The following SLFN5 variants were observed in gnomAD, a reference collection of about 807,000 sequenced individuals.
SLFN5 encodes the protein schlafen family member 5.
A neutral mutation model predicts 48.5 loss-of-function variants in SLFN5; 34 were observed. The ratio of observed to expected loss-of-function variants is 0.70; its 90% CI spans 0.53 to 0.93. The LOEUF (loss-of-function observed/expected upper bound fraction) is 0.93, where lower values mean the gene tolerates loss of function less well. Among genes scored for constraint, SLFN5 ranks in the 40% least tolerant of loss-of-function variants. The probability of loss-of-function intolerance (pLI) is 0.00; values close to 1 mark genes in which losing one functional copy is unlikely to be tolerated. For missense variants in SLFN5, 1,006 were observed against 1,071.3 expected (o/e 0.94, Z 0.85); for synonymous variants, 387 against 396.2 (o/e 0.98, Z 0.28).
chr17:35,262,539 G>T (rs530950161), intron 3 of SLFN5, among the ~76,000 whole-genome samples: 159 of 152,190 alleles, frequency 1.0e-3, no homozygotes, highest in Non-Finnish European at 1.5e-3. Flanking sequence ...TCTTCTGGAA[G>T]AAGCTTAGAA....
At chr17:35,250,634 T>C (rs1201824603) in intron 1 of SLFN5, among the ~76,000 whole-genome samples, 1 of 141,282 alleles carries the variant, frequency 7.1e-6, no homozygotes, top group African/African-American at 2.7e-5. Context: ...CACTCCAGCC[T>C]GGGCGACAGA....
intron 3 of SLFN5, among the ~76,000 whole-genome samples, chr17:35,261,515 G>T (rs1262495498): frequency 6.6e-6 from 1 of 151,994 alleles, no homozygotes; most frequent in Admixed American, 6.6e-5. Flanking sequence ...CAAAGTAGCA[G>T]CACTCTACTA....
Position 35,258,730 on chromosome 17 carries a change from T to A in SLFN5, c.40T>A (p.Cys14Ser). The change falls in exon 2 of 5, where the codon TGT becomes AGT. Residue 14 changes from cysteine to serine, a missense_variant. Physicochemically the swap from Cys to Ser is moderately radical, Grantham distance 112. Coordinates refer to ENST00000299977, the MANE Select transcript of SLFN5 (RefSeq NM_144975.4). ...RIDVDTNFPE[C>S]VVDAGKVTLG... ...TGATGTGGATACAAACTTTCCTGAGTGTGTTGTAGATGCAGGAAAAGTCAC... is the reference window on the plus strand; with the variant it reads ...TGATGTGGATACAAACTTTCCTGAGAGTGTTGTAGATGCAGGAAAAGTCAC... The A allele has an allele frequency of 6.2e-7, 1 of 1,613,786 alleles. No homozygotes were observed. Among genetic ancestry groups the A allele is most frequent in the Non-Finnish European group, 8.5e-7 (1 of 1,179,932 alleles).
In SLFN5 at chr17:35,249,512, T is replaced by A. The variant is rs149374200; in HGVS notation, c.-41+6369T>A. 4.0e-3 allele frequency among the ~76,000 whole-genome samples: 614 copies of A among 152,334 alleles called. 2 individuals are homozygous for A. The highest frequency in any genetic ancestry group is 0.014 in the African/African-American group (584 of 41,572). On this transcript the variant is annotated intron_variant, in intron 1 of 4. Coordinates refer to ENST00000299977, the MANE Select transcript of SLFN5 (RefSeq NM_144975.4). ...TTCTGGTAAACATGGTACTACTCTT[T>A]CTATGTTAAACACTGTCCCTTTTGC...
chr17:35,246,787 G>A (rs901971884), intron 1 of SLFN5, among the ~76,000 whole-genome samples: 4 of 151,962 alleles, frequency 2.6e-5, no homozygotes, highest in South Asian at 2.1e-4. Flanking sequence ...CCCAAGGGGT[G>A]GAGGTTCCAG....
At position 35,259,709 on chromosome 17, in the gene SLFN5, G is replaced by A. The variant is rs9905150; in HGVS notation, c.1012+7G>A. The A allele has an allele frequency of 2.8e-3, 4,454 of 1,598,604 alleles. 115 individuals carry two copies. The African/African-American group carries it at 0.052, about 19-fold the overall frequency. ...ATGATGGAAGCTGACCCAGGTTAGG[G>A]AGCAATATCCACAATGGTTGTAATG... On this transcript the variant is annotated splice_region_variant and intron_variant, in intron 2 of 4. Transcript: ENST00000299977.
At position 35,259,780 on chromosome 17, in the gene SLFN5, T is replaced by C. The variant is rs564017258; in HGVS notation, c.1012+78T>C. 195 of 1,461,752 alleles carry C rather than the reference T, an allele frequency of 1.3e-4. No individual in the cohort carries two copies. The Admixed American group carries it at 1.4e-3, about 10-fold the overall frequency. The allele number at this position is 1,461,752 out of a possible 1,614,324, so 90.5% of individuals were successfully genotyped here. A position where few individuals can be genotyped will look rare whatever the true frequency, so the allele number is the denominator to read the frequency against. Reference sequence around the variant, plus strand: ...GCGGGTCAGAGAGGAAAGAGGGATATGGTATTCCTTGGAATCTGGGGAAAG... The same window carrying C: ...GCGGGTCAGAGAGGAAAGAGGGATACGGTATTCCTTGGAATCTGGGGAAAG... On this transcript the variant is annotated intron_variant, in intron 2 of 4. Transcript: ENST00000299977.
chr17:35,246,721 G>A (rs2092431511), intron 1 of SLFN5, among the ~76,000 whole-genome samples: 1 of 151,970 alleles, frequency 6.6e-6, no homozygotes, highest in Non-Finnish European at 1.5e-5. Context: ...CAGGCGTGGT[G>A]GTGGGCACCT....
At chr17:35,264,936 T>C (rs747427703) in intron 4 of SLFN5, 33 bp downstream of exon 4, 38 of 1,538,842 alleles carry the variant, frequency 2.5e-5, no homozygotes, top group Non-Finnish European at 3.2e-5. Flanking sequence ...CTTTATTTTC[T>C]TGAGTGACTG....
intron 1 of SLFN5, among the ~76,000 whole-genome samples, chr17:35,246,580 T>C (rs1184440219): frequency 6.6e-6 from 1 of 152,146 alleles, no homozygotes; most frequent in Non-Finnish European, 1.5e-5. Flanking sequence ...CTAGGCCAGG[T>C]GCAGTGGCTC....
At chr17:35,250,528 CG>C (rs2092439957) in intron 1 of SLFN5, among the ~76,000 whole-genome samples, 1 of 152,022 alleles carries the variant, frequency 6.6e-6, no homozygotes, top group Non-Finnish European at 1.5e-5. Context: ...GGCGTGGTGG[CG>C]GGCGCCTGTA....
chr17:35,252,301 C>G (rs949777184), intron 1 of SLFN5, among the ~76,000 whole-genome samples: 2 of 152,098 alleles, frequency 1.3e-5, no homozygotes, highest in Middle Eastern at 6.8e-3. Context: ...CATTGTGGCG[C>G]GTTCTTGTAG....
chr17:35,259,812 A>G (rs748193467), intron 2 of SLFN5, 110 bp downstream of exon 2: 63 of 1,303,264 alleles, frequency 4.8e-5, no homozygotes, highest in Non-Finnish European at 6.5e-5. Context: ...AAAGAGATTT[A>G]CTCTCTGATT....
rs940219714 is a variant in SLFN5, at chr17:35,269,668, T to C, written c.*3780T>C. 2.0e-4 allele frequency: 30 copies of C among 152,164 alleles called. No homozygotes were observed. The highest frequency in any genetic ancestry group is 2.4e-5 in the African/African-American group (1 of 41,434). 9.4% of individuals were successfully genotyped at this position (152,164 alleles called of 1,614,324 possible). A position where few individuals can be genotyped will look rare whatever the true frequency, so the allele number is the denominator to read the frequency against. On this transcript the variant is annotated 3_prime_UTR_variant, in exon 5 of 5. Transcript: ENST00000299977. ...TTGATTTAAGGAGGTTAAATTACAG[T>C]GAGAGAGTTGCACTTATTTAGTTTG...
chr17:35,253,359 A>ACTCTCTCT (rs57385773), intron 1 of SLFN5, among the ~76,000 whole-genome samples: 1,718 of 150,028 alleles, frequency 0.011, 33 homozygotes, highest in African/African-American at 0.039. Flanking sequence ...ACTGTATAGC[A>ACTCTCTCT]CTCTCTCTCT....
At chr17:35,255,103 G>A (rs1016886990) in intron 1 of SLFN5, among the ~76,000 whole-genome samples, 10 of 150,710 alleles carry the variant, frequency 6.6e-5, no homozygotes, top group Non-Finnish European at 1.5e-4. Flanking sequence ...GGGTGAAGGA[G>A]GTACAGACAT....
At chr17:35,253,629 C>T (rs2092447818) in intron 1 of SLFN5, among the ~76,000 whole-genome samples, 1 of 151,810 alleles carries the variant, frequency 6.6e-6, no homozygotes, top group African/African-American at 2.4e-5. Flanking sequence ...CCCACCTTGG[C>T]CTCCCAAAAT....
At chr17:35,252,367 G>A (rs2092444400) in intron 1 of SLFN5, among the ~76,000 whole-genome samples, 2 of 152,078 alleles carry the variant, frequency 1.3e-5, no homozygotes, top group African/African-American at 4.8e-5. Flanking sequence ...AGAGTTCAAG[G>A]CTATAGTGAG....
Position 35,259,481 on chromosome 17 carries a change from T to C in SLFN5, c.791T>C (p.Val264Ala), listed in dbSNP as rs756095734. 6.6e-5 allele frequency: 106 copies of C among 1,614,112 alleles called. No homozygotes were observed. The highest frequency in any genetic ancestry group is 8.8e-5 in the Non-Finnish European group (104 of 1,180,042). ...SIDGCIKKLP[V>A]HHFCTQRPEI... ...GATGGCTGTATTAAGAAGCTACCTG[T>C]CCATCATTTCTGCACACAGAGGCCT... is the stretch of plus-strand genomic sequence containing the variant. Residue 264 changes from valine (V) to alanine (A), a missense_variant, in exon 2 of 5, where the codon GTC (valine) becomes GCC (alanine). Coordinates refer to ENST00000299977, the MANE Select transcript of SLFN5 (RefSeq NM_144975.4).
Sources: allele counts gnomAD v4.1 joint callset (sites outside exome capture counted in the v4.1 genomes callset), GRCh38; gene constraint gnomAD v4.1.1; transcripts MANE v1.5; gene names NCBI Gene and HGNC (gene_info 2026-07-23, HGNC 2026-07-21).